The following KLRK1 variants were observed in gnomAD, a reference collection of about 807,000 sequenced individuals.
The protein encoded by KLRK1 is NKG2-D type II integral membrane protein.
KLRK1 carries 40 observed loss-of-function variants against 31.3 expected under a neutral mutation model. The ratio of observed to expected loss-of-function variants is 1.28; its 90% confidence interval spans 0.99 to 1.67. KLRK1 has a LOEUF of 1.67. KLRK1 is among the 40% of genes most tolerant of loss of function. The pLI, the probability that KLRK1 is intolerant of heterozygous loss-of-function variation, is 0.00. For missense variants in KLRK1, 251 were observed against 260.0 expected (o/e 0.97, Z 0.24); for synonymous variants, 77 against 77.3 (o/e 1.00, Z 0.02).
chr12:10,388,980 G>A, intron 1 of KLRK1, 105 bp from the exon 2 acceptor site: 1 of 635,416 alleles, frequency 1.6e-6, no homozygotes, highest in Non-Finnish European at 2.6e-6. Flanking sequence ...CCCTGTGCAT[G>A]CCTTTAAGAA....
Position 10,386,897 on chromosome 12 carries a change from A to C in KLRK1, c.148+6T>G. The C allele has an allele frequency of 6.2e-7, 1 of 1,609,950 alleles. No individual in the cohort carries two copies. On this transcript the variant is annotated splice_donor_region_variant and intron_variant, in intron 3 of 7. Coordinates refer to ENST00000240618, the MANE Select transcript of KLRK1 (RefSeq NM_007360.4). ...TGAGAGTAGACAAATGGAACATAGG[A>C]CTTACCATTTTCTCTACATTTGCTT...
chr12:10,386,766 A>G (rs765420538), intron 3 of KLRK1, 137 bp downstream of exon 3: 4 of 392,922 alleles, frequency 1.0e-5, no homozygotes, highest in African/African-American at 2.1e-5. Flanking sequence ...ATATTTTAAT[A>G]TTATATGAGA....
chr12:10,378,319 C>A (rs1863003742), intron 6 of KLRK1, 84 bp from the exon 7 acceptor site: 2 of 1,446,966 alleles, frequency 1.4e-6, no homozygotes, highest in African/African-American at 1.4e-5. Flanking sequence ...TTCATCTGTT[C>A]TCACACTTGT....
chr12:10,377,260 T>C (rs1862984533), intron 7 of KLRK1, among the ~76,000 whole-genome samples: 1 of 152,184 alleles, frequency 6.6e-6, no homozygotes, highest in South Asian at 2.1e-4. Context: ...GTGTGGCACT[T>C]TAAAAAAAGT....
In KLRK1 at chr12:10,376,897, ACCTCCGTCTC is replaced by A. The variant is rs1251160874; in HGVS notation, c.533+1225_533+1234del. ...AGCGGCGCAATCTCGGCTCACTGCAACCTCCGTCTCCCGGGTTCAAGCCATTCCCCTGCCT... is the reference window on the plus strand; with the variant it reads ...AGCGGCGCAATCTCGGCTCACTGCAACCGGGTTCAAGCCATTCCCCTGCCT... On this transcript the variant is annotated intron_variant, in intron 7 of 7. Transcript: ENST00000240618. Among the ~76,000 whole-genome samples, 23 of 147,614 alleles carry A rather than the reference ACCTCCGTCTC, an allele frequency of 1.6e-4. No individual in the cohort carries two copies. The Middle Eastern group carries it at 0.01, about 67-fold the overall frequency.
intron 3 of KLRK1, among the ~76,000 whole-genome samples, chr12:10,385,829 A>T (rs1412825535): frequency 1.3e-5 from 2 of 152,072 alleles, no homozygotes; most frequent in Non-Finnish European, 1.5e-5. Flanking sequence ...TGATTTGGTC[A>T]TTAGACATTG....
intron 3 of KLRK1, among the ~76,000 whole-genome samples, chr12:10,381,179 C>T (rs1370993197): frequency 6.6e-6 from 1 of 151,778 alleles, no homozygotes; most frequent in Non-Finnish European, 1.5e-5. Context: ...ACTTGGAGCC[C>T]AGTGCCACCA....
intron 3 of KLRK1, among the ~76,000 whole-genome samples, chr12:10,380,257 G>A (rs1863048996): frequency 6.6e-6 from 1 of 151,980 alleles, no homozygotes; most frequent in Non-Finnish European, 1.5e-5. Flanking sequence ...AGTAGAGATA[G>A]GGTTTCACCG....
At chr12:10,375,304 C>T (rs1373160023) in intron 7 of KLRK1, among the ~76,000 whole-genome samples, 3 of 152,152 alleles carry the variant, frequency 2.0e-5, no homozygotes, top group Non-Finnish European at 4.4e-5. Flanking sequence ...GTAAGTCTGG[C>T]TCCAGAGCCA....
At chr12:10,386,795 T>A in intron 3 of KLRK1, 108 bp downstream of exon 3, 1 of 608,070 alleles carries the variant, frequency 1.6e-6, no homozygotes, top group Non-Finnish European at 2.6e-6. Flanking sequence ...TATTCCTGCT[T>A]TCCTCATGAA....
intron 7 of KLRK1, among the ~76,000 whole-genome samples, chr12:10,375,276 T>G (rs972398265): frequency 6.6e-6 from 1 of 152,198 alleles, no homozygotes; most frequent in Admixed American, 6.5e-5. Flanking sequence ...AAAAGAGCAC[T>G]TTTTTAGTCA....
chr12:10,380,204 T>G (rs1174382994), intron 3 of KLRK1, among the ~76,000 whole-genome samples: 3 of 151,802 alleles, frequency 2.0e-5, no homozygotes, highest in Non-Finnish European at 4.4e-5. Context: ...TAGCTGGGAC[T>G]ACAGGTGCCC....
In KLRK1 at chr12:10,378,608, A is replaced by G; in HGVS notation, c.375T>C (p.Ala125=). 1 of 1,612,438 alleles carries G rather than the reference A, an allele frequency of 6.2e-7. No individual in the cohort carries two copies. The highest frequency in any genetic ancestry group is 1.1e-5 in the South Asian group (1 of 90,776). Reference sequence around the variant, plus strand: ...GGCTGGCATTTTGAGACATACAAGAAGCCTGGCTCTCATACCAGTTTTTAC... The same window carrying G: ...GGCTGGCATTTTGAGACATACAAGAGGCCTGGCTCTCATACCAGTTTTTAC... ...DESKNWYESQ[A]SCMSQNASLL... is the part of the protein sequence containing the mutation. Residue 125 remains alanine, a synonymous_variant, in exon 6 of 8, where the codon GCT becomes GCC. Coordinates refer to ENST00000240618, the MANE Select transcript of KLRK1 (RefSeq NM_007360.4).
chr12:10,375,147 G>T (rs1020735587), intron 7 of KLRK1, among the ~76,000 whole-genome samples: 1 of 152,198 alleles, frequency 6.6e-6, no homozygotes, highest in African/African-American at 2.4e-5. Flanking sequence ...GGAAGGTAGG[G>T]AGTTCTTGCT....
intron 1 of KLRK1, 44 bp from the exon 2 acceptor site, chr12:10,388,919 C>G: frequency 7.6e-7 from 1 of 1,317,738 alleles, no homozygotes. Flanking sequence ...TTCTCTTTCC[C>G]GTGGTGAGAT....
At chr12:10,377,137 G>C (rs1315722802) in intron 7 of KLRK1, among the ~76,000 whole-genome samples, 1 of 152,148 alleles carries the variant, frequency 6.6e-6, no homozygotes, top group Non-Finnish European at 1.5e-5. Context: ...TTAAGAGGCT[G>C]ATCAAAACAA....
rs1165388840 is a variant in KLRK1 at position 10,373,095 on chromosome 12, T to C, written c.*19A>G. ...ATCTCTTCTCTGTTCCTGGCTTTTA[T>C]TGAGATGGTTGATCATCTTTACACA... On this transcript the variant is annotated 3_prime_UTR_variant, in exon 8 of 8. Coordinates refer to ENST00000240618, the MANE Select transcript of KLRK1 (RefSeq NM_007360.4). 1.1e-5 allele frequency: 17 copies of C among 1,605,568 alleles called. No homozygotes were observed. The highest frequency in any genetic ancestry group is 1.3e-5 in the Non-Finnish European group (15 of 1,173,514).
intron 3 of KLRK1, among the ~76,000 whole-genome samples, chr12:10,383,372 CTT>C (rs1330458599): frequency 6.6e-6 from 1 of 151,892 alleles, no homozygotes; most frequent in Admixed American, 6.6e-5. Flanking sequence ...ATAAAATAGA[CTT>C]TAAGTCAAAA....
rs527282210 is a variant in KLRK1 at position 10,383,756 on chromosome 12, G to C, written c.148+3147C>G. ...GGACAGACCATATGCTAGGTGATAA[G>C]TCTCAAAACATTTCCAAAAGTCAAT... On this transcript the variant is annotated intron_variant, in intron 3 of 7. Coordinates refer to ENST00000240618, the MANE Select transcript of KLRK1 (RefSeq NM_007360.4). 2.4e-3 allele frequency among the ~76,000 whole-genome samples: 369 copies of C among 152,122 alleles called. 1 individual carries two copies. Among genetic ancestry groups the C allele is most frequent in the African/African-American group, 8.5e-3 (353 of 41,524 alleles).
Sources: gnomAD v4.1 joint callset for allele counts (sites outside exome capture counted in the v4.1 genomes callset) on GRCh38, gnomAD v4.1.1 for gene constraint, MANE v1.5 for transcripts, NCBI Gene and HGNC (gene_info 2026-07-23, HGNC 2026-07-21) for gene names.